The following RNGTT variants were observed in gnomAD, a reference collection of about 807,000 sequenced individuals.
RNGTT encodes the protein mRNA-capping enzyme.
In RNGTT, 33 loss-of-function variants were observed where a neutral mutation model predicts 79.3. That is an observed-to-expected ratio of 0.42 (90% CI 0.32 to 0.56). The LOEUF (loss-of-function observed/expected upper bound fraction) is 0.56, where lower values mean the gene tolerates loss of function less well. RNGTT is among the 20% of genes least tolerant of loss of function. RNGTT has a pLI of 0.17. For synonymous variants in RNGTT, 222 were observed against 235.9 expected, an observed-to-expected ratio of 0.94 and a Z score of 0.54; for missense variants, 497 against 739.1, an observed-to-expected ratio of 0.67 and a Z score of 3.80.
intron 8 of RNGTT, among the ~76,000 whole-genome samples, chr6:88,864,426 A>G (rs933205900): frequency 4.6e-5 from 7 of 152,146 alleles, no homozygotes; most frequent in African/African-American, 1.7e-4. Context: ...ACATGTTAAC[A>G]TATAGCAAAG....
intron 11 of RNGTT, among the ~76,000 whole-genome samples, chr6:88,840,144 A>G (rs1196916210): frequency 6.6e-6 from 1 of 152,184 alleles, no homozygotes; most frequent in Non-Finnish European, 1.5e-5. Flanking sequence ...AAGGTTCGTA[A>G]TATCACTATT....
At chr6:88,963,167 G>C (rs1315550443) in intron 1 of RNGTT, among the ~76,000 whole-genome samples, 179 bp downstream of exon 1, 1 of 150,800 alleles carries the variant, frequency 6.6e-6, no homozygotes, top group African/African-American at 2.5e-5. Context: ...CCCCCCATCC[G>C]CCGACCATCC....
intron 4 of RNGTT, among the ~76,000 whole-genome samples, chr6:88,919,208 T>C (rs1784088117): frequency 6.6e-6 from 1 of 152,228 alleles, no homozygotes; most frequent in Non-Finnish European, 1.5e-5. Context: ...AATTTTCAGT[T>C]TTCTTCATCA....
chr6:88,635,790 A>T (rs1414342631), intron 14 of RNGTT, among the ~76,000 whole-genome samples: 1 of 151,966 alleles, frequency 6.6e-6, no homozygotes, highest in Admixed American at 6.6e-5. Flanking sequence ...CTGTGGTATA[A>T]GGAAGGCTGT....
intron 11 of RNGTT, among the ~76,000 whole-genome samples, chr6:88,829,721 A>AAAAAAAAAAAAAC (rs1554221603): frequency 8.7e-6 from 1 of 115,592 alleles, no homozygotes; most frequent in Admixed American, 8.8e-5. Flanking sequence ...AAAAAAAAAA[A>AAAAAAAAAAAAAC]AAACCAGGGG....
At chr6:88,727,136 A>G (rs548190172) in intron 13 of RNGTT, among the ~76,000 whole-genome samples, 2 of 150,046 alleles carry the variant, frequency 1.3e-5, no homozygotes, top group Non-Finnish European at 2.9e-5. Context: ...AAAAGTCGTG[A>G]AAAAAAAGTT....
At chr6:88,924,234 A>T (rs748236207) in intron 4 of RNGTT, among the ~76,000 whole-genome samples, 6 of 152,136 alleles carry the variant, frequency 3.9e-5, no homozygotes, top group Non-Finnish European at 8.8e-5. Context: ...CAGAAATATA[A>T]TTTTTTTAAT....
intron 14 of RNGTT, among the ~76,000 whole-genome samples, chr6:88,634,115 T>C (rs1489524622): frequency 6.6e-6 from 1 of 152,166 alleles, no homozygotes; most frequent in East Asian, 1.9e-4. Flanking sequence ...GTGCACTGGA[T>C]AATATATACT....
chr6:88,801,410 A>C (rs1779778779), intron 12 of RNGTT, among the ~76,000 whole-genome samples, 154 bp downstream of exon 12: 1 of 152,122 alleles, frequency 6.6e-6, no homozygotes, highest in East Asian at 1.9e-4. Flanking sequence ...CATAATGAGC[A>C]ATTTGTTTTA....
At chr6:88,891,661 A>G in intron 7 of RNGTT, 145 bp downstream of exon 7, 1 of 461,904 alleles carries the variant, frequency 2.2e-6, no homozygotes, top group Non-Finnish European at 3.7e-6. Flanking sequence ...TATTGCATTG[A>G]TTGTCTTGAA....
intron 8 of RNGTT, among the ~76,000 whole-genome samples, chr6:88,860,739 C>T (rs569497295): frequency 6.6e-6 from 1 of 151,726 alleles, no homozygotes; most frequent in East Asian, 1.9e-4. Flanking sequence ...CTCTGGGAGG[C>T]CAAAGCGGAG....
rs34378893 is a variant in RNGTT at position 88,907,735 on chromosome 6, C to CTTT, written c.368-1298_368-1296dup. Among the ~76,000 whole-genome samples, 23 of 125,412 alleles carry CTTT rather than the reference C, an allele frequency of 1.8e-4. No homozygotes were observed. The South Asian group carries it at 2.6e-3, about 14-fold the overall frequency. The allele number at this position is 125,412 out of a possible 152,430, so 82.3% of individuals were successfully genotyped here. A position where few individuals can be genotyped will look rare whatever the true frequency, so the allele number is the denominator to read the frequency against. ...GGATATCCTAATATTTAAGCTGTAT[C>CTTT]TTTTTTTTTTTTTTTTTTTTTAGAG... On this transcript the variant is annotated intron_variant, in intron 4 of 15. Transcript: ENST00000369485.
At chr6:88,689,831 T>C (rs1775416547) in intron 13 of RNGTT, among the ~76,000 whole-genome samples, 1 of 151,432 alleles carries the variant, frequency 6.6e-6, no homozygotes, top group Non-Finnish European at 1.5e-5. Flanking sequence ...AACATTATAT[T>C]GCATAGTCTC....
chr6:88,725,853 C>T (rs1336816021), intron 13 of RNGTT, among the ~76,000 whole-genome samples: 2 of 151,882 alleles, frequency 1.3e-5, no homozygotes. Context: ...GCAGCATAAG[C>T]GGCTGGCACA....
chr6:88,818,682 A>T (rs1209000137), intron 11 of RNGTT, among the ~76,000 whole-genome samples: 3 of 152,226 alleles, frequency 2.0e-5, no homozygotes, highest in Non-Finnish European at 4.4e-5. Flanking sequence ...ATTAACTACC[A>T]ATTCATTACG....
chr6:88,725,948 GGAGAGAGAGA>G (rs756953823), intron 13 of RNGTT, among the ~76,000 whole-genome samples: 1 of 150,292 alleles, frequency 6.7e-6, no homozygotes, highest in African/African-American at 2.4e-5. Flanking sequence ...AGAGTCAGAG[GGAGAGAGAGA>G]GAGAAAGAGA....
At chr6:88,945,877 C>G (rs1238044345) in intron 1 of RNGTT, among the ~76,000 whole-genome samples, 1 of 152,204 alleles carries the variant, frequency 6.6e-6, no homozygotes, top group Non-Finnish European at 1.5e-5. Context: ...TTAGAAGTCA[C>G]ATGTTTAAGA....
intron 10 of RNGTT, among the ~76,000 whole-genome samples, chr6:88,846,634 C>T (rs767310607): frequency 2.0e-5 from 3 of 152,104 alleles, no homozygotes; most frequent in Non-Finnish European, 4.4e-5. Flanking sequence ...GTGGCACACG[C>T]CTGTGGTCCC....
chr6:88,887,715 C>T (rs1421208759), intron 8 of RNGTT, among the ~76,000 whole-genome samples: 1 of 152,062 alleles, frequency 6.6e-6, no homozygotes, highest in Non-Finnish European at 1.5e-5. Context: ...AGAGGAGGAA[C>T]AAAATCAACA....
Sources: allele counts gnomAD v4.1 joint callset (sites outside exome capture counted in the v4.1 genomes callset), GRCh38; gene constraint gnomAD v4.1.1; transcripts MANE v1.5; gene names NCBI Gene and HGNC (gene_info 2026-07-23, HGNC 2026-07-21).